Variants in NBEAL2 observed in about 807,000 individuals in gnomAD.
The protein encoded by NBEAL2 is neurobeachin-like protein 2.
In NBEAL2, 160 loss-of-function variants were observed where a neutral mutation model predicts 299.8. That is an observed-to-expected ratio of 0.53 (90% CI 0.47 to 0.61). The LOEUF (loss-of-function observed/expected upper bound fraction) is 0.61, where lower values mean the gene tolerates loss of function less well. Ranked by LOEUF, NBEAL2 falls within the 20% of genes least tolerant of loss-of-function variation. The probability of loss-of-function intolerance (pLI) is 0.00; values close to 1 mark genes in which losing one functional copy is unlikely to be tolerated. For missense variants in NBEAL2, 3,112 were observed against 3,649.0 expected (o/e 0.85, Z 3.79); for synonymous variants, 1,493 against 1,542.3 (o/e 0.97, Z 0.75).
chr3:46,999,811 C>G, intron 26 of NBEAL2, 78 bp from the exon 27 acceptor site: 2 of 1,594,922 alleles, frequency 1.3e-6, no homozygotes, highest in Non-Finnish European at 1.7e-6. Context: ...CTCTGGAGCC[C>G]TCCTCTGCAA....
Position 47,001,019 on chromosome 3 carries a change from T to C in NBEAL2, c.4324T>C (p.Leu1442=), listed in dbSNP as rs763582323. 12 of 1,609,492 alleles carry C rather than the reference T, an allele frequency of 7.5e-6. No homozygotes were observed. The South Asian group carries it at 1.3e-4, about 18-fold the overall frequency. The change falls in exon 28 of 54, where the codon TTG becomes CTG. Residue 1442 remains leucine (L), a synonymous_variant. Coordinates refer to ENST00000450053, the MANE Select transcript of NBEAL2 (RefSeq NM_015175.3). This position sits in a 1 kb window ranked among gnomAD's most constrained non-coding sequence, Gnocchi z 6.1. ...SNPQQTSEEE[L]CNLLTNVLFS... ...CCCACAGCAAACCTCTGAGGAAGAG[T>C]TGTGCAATCTGCTCACCAACGTGCT...
Position 46,991,136 on chromosome 3 carries a change from G to T in NBEAL2, c.557-83G>T. The T allele has an allele frequency of 8.0e-7, 1 of 1,252,144 alleles. No homozygotes were observed. The allele number at this position is 1,252,144 out of a possible 1,614,324, so 77.6% of individuals were successfully genotyped here. A position where few individuals can be genotyped will look rare whatever the true frequency, so the allele number is the denominator to read the frequency against. ...CCAGCTCCCTCTCCCCTCCACCCCAGGGCACTCACCTCTTGTGCAGCCCCC... is the reference window on the plus strand; with the variant it reads ...CCAGCTCCCTCTCCCCTCCACCCCATGGCACTCACCTCTTGTGCAGCCCCC... On this transcript the variant is annotated intron_variant, in intron 6 of 53. Coordinates refer to ENST00000450053, the MANE Select transcript of NBEAL2 (RefSeq NM_015175.3). The surrounding 1 kb of genome is among the most constrained non-coding windows in gnomAD (Gnocchi z 6.2).
chr3:47,004,232 T>A lies in NBEAL2; in HGVS notation c.6037T>A (p.Ser2013Thr). Residue 2013 changes from serine to threonine, a missense_variant, in exon 37 of 54, where the codon TCT (serine) becomes ACT (threonine). Ser to Thr is a moderately conservative substitution (Grantham distance 58). Transcript: ENST00000450053. The surrounding 1 kb of genome is among the most constrained non-coding windows in gnomAD (Gnocchi z 5.0). ...CAAGGTGGGCACGACCCCAGTCTCA[T>A]CTCCTAGCCAGACTCCCAGACCCCA... ...PCKVGTTPVS[S>T]PSQTPRPQPG... 1 of 1,613,686 alleles carries A rather than the reference T, an allele frequency of 6.2e-7. No homozygotes were observed. The highest frequency in any genetic ancestry group is 8.5e-7 in the Non-Finnish European group (1 of 1,179,788).
In NBEAL2 at chr3:46,997,959, G is replaced by T. The variant is rs2036623818; in HGVS notation, c.2959-108G>T. On this transcript the variant is annotated intron_variant, in intron 20 of 53. Transcript: ENST00000450053. ...CCAAAGGGTTCTGAGCAGGCTGGTGGCCATGTTTGTGGCCGTCATGGCTGT... is the reference window on the plus strand; with the variant it reads ...CCAAAGGGTTCTGAGCAGGCTGGTGTCCATGTTTGTGGCCGTCATGGCTGT... The T allele has an allele frequency of 6.6e-6, 9 of 1,369,716 alleles. No individual in the cohort carries two copies. In the South Asian group the frequency reaches 1.2e-4, roughly 18 times the overall value. 84.8% of individuals were successfully genotyped at this position (1,369,716 alleles called of 1,614,324 possible). A position where few individuals can be genotyped will look rare whatever the true frequency, so the allele number is the denominator to read the frequency against.
At chr3:46,997,107 C>T (rs1354051064) in intron 18 of NBEAL2, 61 bp downstream of exon 18, 13 of 1,563,214 alleles carry the variant, frequency 8.3e-6, no homozygotes, top group South Asian at 2.3e-5. Flanking sequence ...CATGTGTGTT[C>T]GGAGTCAGCT....
chr3:47,003,253 C>A lies in NBEAL2; in HGVS notation c.5664C>A (p.Pro1888=), dbSNP rs375399942. ...VTKEAKVSTP[P]ELLQEDQLGE... ...AAGAGGCCAAAGTGAGCACCCCACC[C>A]GAGTTGCTGCAGGAGGACCAGCTCG... The change falls in exon 35 of 54, where the codon CCC becomes CCA. Residue 1888 remains proline, a synonymous_variant. Transcript: ENST00000450053. This position sits in a 1 kb window ranked among gnomAD's most constrained non-coding sequence, Gnocchi z 7.0. 6.2e-7 allele frequency: 1 copy of A among 1,613,214 alleles called. No homozygotes were observed.
At position 46,991,844 on chromosome 3, in the gene NBEAL2, C is replaced by T. The variant is rs775780761; in HGVS notation, c.930C>T (p.Ala310=). The T allele has an allele frequency of 3.1e-5, 50 of 1,594,940 alleles. No homozygotes were observed. Among genetic ancestry groups the T allele is most frequent in the Non-Finnish European group, 4.1e-5 (48 of 1,170,958 alleles). ...LVTLRVSMLD[A]IPMMLACEDR... is the part of the protein sequence containing the mutation. Reference sequence around the variant, plus strand: ...TGACCCTTGACCCTTCCACAGACGCCATCCCCATGATGCTGGCATGTGAAG... The same window carrying T: ...TGACCCTTGACCCTTCCACAGACGCTATCCCCATGATGCTGGCATGTGAAG... The change falls in exon 9 of 54, where the codon GCC becomes GCT. Residue 310 remains alanine, a synonymous_variant. Coordinates refer to ENST00000450053, the MANE Select transcript of NBEAL2 (RefSeq NM_015175.3). The surrounding 1 kb of genome is among the most constrained non-coding windows in gnomAD (Gnocchi z 6.2).
Position 46,997,443 on chromosome 3 carries a change from C to T in NBEAL2, c.2824+10C>T. ...TTGGGTAAATCTTCAGGTAAGTGTT[C>T]CTGGTGCCTATGTTGTGGAGAGGGA... On this transcript the variant is annotated intron_variant, in intron 19 of 53. Transcript: ENST00000450053. 6.2e-7 allele frequency: 1 copy of T among 1,606,494 alleles called. No homozygotes were observed. Among genetic ancestry groups the T allele is most frequent in the Non-Finnish European group, 8.5e-7 (1 of 1,174,948 alleles).
chr3:46,997,034 C>G lies in NBEAL2; in HGVS notation c.2637C>G (p.Thr879=), dbSNP rs1186266291. 6.2e-7 allele frequency: 1 copy of G among 1,612,994 alleles called. No homozygotes were observed. Residue 879 remains threonine, a synonymous_variant, in exon 18 of 54, where the codon ACC becomes ACG. Coordinates refer to ENST00000450053, the MANE Select transcript of NBEAL2 (RefSeq NM_015175.3). ...DGRLTGHRVE[T]WDVKDVVNCV... is the part of the protein sequence containing the mutation. ...GCCTGACGGGCCACAGAGTGGAGAC[C>G]TGGGATGTGAAGGTCTGTGAGCACG...
chr3:47,008,305 C>A lies in NBEAL2; in HGVS notation c.7742C>A (p.Thr2581Asn). The part of the protein sequence containing the change: ...GSEDGTVIIH[T>N]VRRGQFVAAL... ...CAGGATGGAACTGTGATCATACACA[C>A]TGTACGCCGCGGACAGTTTGTAGCG... The change falls in exon 51 of 54, where the codon ACT becomes AAT. Residue 2581 changes from threonine (T) to asparagine (N), a missense_variant. Coordinates refer to ENST00000450053, the MANE Select transcript of NBEAL2 (RefSeq NM_015175.3). 6.2e-7 allele frequency: 1 copy of A among 1,613,170 alleles called. No individual in the cohort carries two copies. Among genetic ancestry groups the A allele is most frequent in the Non-Finnish European group, 8.5e-7 (1 of 1,179,510 alleles).
chr3:46,992,648 G>A (rs550909556), intron 10 of NBEAL2, 93 bp downstream of exon 10: 19 of 1,213,594 alleles, frequency 1.6e-5, no homozygotes, highest in Non-Finnish European at 2.1e-5. Flanking sequence ...GCAGATGTGT[G>A]TAAGGCCTGG....
Position 46,996,465 on chromosome 3 carries a change from C to T in NBEAL2, c.2346C>T (p.Asp782=), listed in dbSNP as rs879057773. The part of the protein sequence containing the change: ...LVAPLQEGSI[D]STLAGTQDTR... Reference sequence around the variant, plus strand: ...CCCCCCTGCAGGAGGGCAGCATCGACTCTACCCTCGCAGGCACCCAGGACA... The same window carrying T: ...CCCCCCTGCAGGAGGGCAGCATCGATTCTACCCTCGCAGGCACCCAGGACA... The change falls in exon 16 of 54, where the codon GAC becomes GAT. Residue 782 remains aspartate, a synonymous_variant. Transcript: ENST00000450053. The T allele has an allele frequency of 6.2e-7, 1 of 1,603,118 alleles. No individual in the cohort carries two copies. Among genetic ancestry groups the T allele is most frequent in the Admixed American group, 1.7e-5 (1 of 58,972 alleles).
At position 47,003,406 on chromosome 3, in the gene NBEAL2, C is replaced by G. The variant is rs938123359; in HGVS notation, c.5720+97C>G. On this transcript the variant is annotated intron_variant, in intron 35 of 53. Coordinates refer to ENST00000450053, the MANE Select transcript of NBEAL2 (RefSeq NM_015175.3). This position sits in a 1 kb window ranked among gnomAD's most constrained non-coding sequence, Gnocchi z 7.0. The stretch of plus-strand genomic sequence containing the variant: ...GTGGGATCAACTCCCTGAGTGTGTC[C>G]TCTTCTGCTGCCCGACTACGTCCCC... 8 of 1,495,770 alleles carry G rather than the reference C, an allele frequency of 5.3e-6. No individual in the cohort carries two copies. Among genetic ancestry groups the G allele is most frequent in the African/African-American group, 2.8e-5 (2 of 71,736 alleles). 92.7% of individuals were successfully genotyped at this position (1,495,770 alleles called of 1,614,324 possible).
chr3:46,989,453 G>T lies in NBEAL2; in HGVS notation c.474-58G>T. On this transcript the variant is annotated intron_variant, in intron 5 of 53. Coordinates refer to ENST00000450053, the MANE Select transcript of NBEAL2 (RefSeq NM_015175.3). The surrounding 1 kb of genome is among the most constrained non-coding windows in gnomAD (Gnocchi z 5.5). Reference sequence around the variant, plus strand: ...GGATGGCCGCGCTGGGCCCAAGGAGGGGTGACGGCCAGGAGTGGTGAGAGC... The same window carrying T: ...GGATGGCCGCGCTGGGCCCAAGGAGTGGTGACGGCCAGGAGTGGTGAGAGC... 7 of 1,565,110 alleles carry T rather than the reference G, an allele frequency of 4.5e-6. No homozygotes were observed. The highest frequency in any genetic ancestry group is 6.1e-6 in the Non-Finnish European group (7 of 1,154,876).
chr3:47,002,052 G>C lies in NBEAL2; in HGVS notation c.4915G>C (p.Glu1639Gln). 6.4e-7 allele frequency: 1 copy of C among 1,554,876 alleles called. No homozygotes were observed. Among genetic ancestry groups the C allele is most frequent in the Non-Finnish European group, 8.7e-7 (1 of 1,149,396 alleles). Reference protein sequence around the residue: ...LGRVLNTSSLESATDEAGSPL... With the variant: ...LGRVLNTSSLQSATDEAGSPL... ...GCGGGTGCTGAACACCTCTTCCTTG[G>C]AGTCAGCCACTGATGAGGCAGGGTC... Residue 1639 changes from glutamate to glutamine, a missense_variant, in exon 31 of 54, where the codon GAG becomes CAG. By Grantham distance (29) the Glu-to-Gln change is conservative. Coordinates refer to ENST00000450053, the MANE Select transcript of NBEAL2 (RefSeq NM_015175.3).
chr3:47,008,080 CAGT>C lies in NBEAL2; in HGVS notation c.7616_7618del (p.Val2539del), dbSNP rs763128274. On this transcript the variant is annotated inframe_deletion, in exon 50 of 54. Coordinates refer to ENST00000450053, the MANE Select transcript of NBEAL2 (RefSeq NM_015175.3). The stretch of plus-strand genomic sequence containing the variant: ...CCTGGTCCTCCACAGGGTGGTCTGT[CAGT>C]AGGCCTGGCACCAAAGCCTGTGCAG... The C allele has an allele frequency of 8.7e-6, 14 of 1,613,932 alleles. No homozygotes were observed. The African/African-American group carries it at 1.2e-4, about 14-fold the overall frequency.
rs1453224969 is a variant in NBEAL2, at chr3:46,989,471, G to A, written c.474-40G>A. On this transcript the variant is annotated intron_variant, in intron 5 of 53. Coordinates refer to ENST00000450053, the MANE Select transcript of NBEAL2 (RefSeq NM_015175.3). The surrounding 1 kb of genome is among the most constrained non-coding windows in gnomAD (Gnocchi z 5.5). The stretch of plus-strand genomic sequence containing the variant: ...CAAGGAGGGGTGACGGCCAGGAGTG[G>A]TGAGAGCCGGGCTGATGTACTTGGC... 1.3e-6 allele frequency: 2 copies of A among 1,569,272 alleles called. No individual in the cohort carries two copies. The highest frequency in any genetic ancestry group is 1.7e-6 in the Non-Finnish European group (2 of 1,157,364).
Position 47,004,889 on chromosome 3 carries a change from C to T in NBEAL2, c.6295-83C>T, listed in dbSNP as rs2037307474. On this transcript the variant is annotated intron_variant, in intron 38 of 53. Transcript: ENST00000450053. The surrounding 1 kb of genome is among the most constrained non-coding windows in gnomAD (Gnocchi z 5.0). ...AACCTGTGGGCAGGCTCTGTGCCCGCCTTCTTGAGGGTGTGGGCAGGGCAG... is the reference window on the plus strand; with the variant it reads ...AACCTGTGGGCAGGCTCTGTGCCCGTCTTCTTGAGGGTGTGGGCAGGGCAG... 6.5e-7 allele frequency: 1 copy of T among 1,540,684 alleles called. No homozygotes were observed. Among genetic ancestry groups the T allele is most frequent in the African/African-American group, 1.4e-5 (1 of 72,994 alleles).
Position 47,000,940 on chromosome 3 carries a change from G to A in NBEAL2, c.4306-61G>A. 1 of 1,549,316 alleles carries A rather than the reference G, an allele frequency of 6.5e-7. No homozygotes were observed. Among genetic ancestry groups the A allele is most frequent in the South Asian group, 1.2e-5 (1 of 83,866 alleles). On this transcript the variant is annotated intron_variant, in intron 27 of 53. Coordinates refer to ENST00000450053, the MANE Select transcript of NBEAL2 (RefSeq NM_015175.3). The surrounding 1 kb of genome is among the most constrained non-coding windows in gnomAD (Gnocchi z 4.5). ...GCTGAGTGGGGATGGGTGGGCGTCA[G>A]CCTGATTCCCTCCCTTAGCCGCCCA...
Sources: gnomAD v4.1 joint callset for allele counts on GRCh38, gnomAD v4.1.1 for gene constraint, Gnocchi (gnomAD v3.1) non-coding constraint, MANE v1.5 for transcripts, NCBI Gene and HGNC (gene_info 2026-07-23, HGNC 2026-07-21) for gene names.